Variants in SUSD1 observed in about 807,000 individuals in gnomAD.
SUSD1 encodes sushi domain-containing protein 1.
Under a neutral mutation model 86.9 loss-of-function variants are expected in SUSD1, and 65 were observed. The ratio of observed to expected loss-of-function variants is 0.75; its 90% CI spans 0.61 to 0.92. The LOEUF (loss-of-function observed/expected upper bound fraction) is 0.92. Among genes scored for constraint, SUSD1 ranks in the 40% least tolerant of loss-of-function variants. The pLI, the probability that SUSD1 is intolerant of heterozygous loss-of-function variation, is 0.00. For synonymous variants in SUSD1, 346 were observed against 350.0 expected (o/e 0.99, Z 0.13); for missense variants, 850 against 929.7 (o/e 0.91, Z 1.11).
chr9:112,117,205 C>T (rs1472339811), intron 6 of SUSD1, among the ~76,000 whole-genome samples: 2 of 152,220 alleles, frequency 1.3e-5, no homozygotes, highest in African/African-American at 4.8e-5. Flanking sequence ...CTCCCACAGC[C>T]TCCTCATCCC....
chr9:112,117,302 T>C (rs1251229802), intron 6 of SUSD1, among the ~76,000 whole-genome samples: 1 of 152,178 alleles, frequency 6.6e-6, no homozygotes, highest in Admixed American at 6.5e-5. Context: ...TCTCCCCTCA[T>C]GGAGTGCCCA....
intron 2 of SUSD1, among the ~76,000 whole-genome samples, chr9:112,151,988 C>T (rs958145935): frequency 2.0e-5 from 3 of 151,802 alleles, no homozygotes; most frequent in Non-Finnish European, 4.4e-5. Flanking sequence ...GAGCCAAGAT[C>T]GCGCCATTGC....
At chr9:112,095,909 C>T (rs1830375288) in intron 10 of SUSD1, among the ~76,000 whole-genome samples, 1 of 152,106 alleles carries the variant, frequency 6.6e-6, no homozygotes, top group Non-Finnish European at 1.5e-5. Context: ...AGAAATAGGG[C>T]TCAAGGGAGC....
intron 5 of SUSD1, among the ~76,000 whole-genome samples, chr9:112,134,873 G>C (rs1383310002): frequency 6.6e-6 from 1 of 151,932 alleles, no homozygotes; most frequent in African/African-American, 2.4e-5. Context: ...TTAGAGACCA[G>C]CTGGCCAATG....
intron 10 of SUSD1, among the ~76,000 whole-genome samples, chr9:112,081,459 G>C (rs149151414): frequency 2.4e-4 from 36 of 152,338 alleles, no homozygotes; most frequent in Non-Finnish European, 3.2e-4. Context: ...TAAGGAACAG[G>C]AGGAGTACAG....
chr9:112,095,373 A>T (rs774493262), intron 10 of SUSD1, among the ~76,000 whole-genome samples: 2 of 152,198 alleles, frequency 1.3e-5, no homozygotes, highest in African/African-American at 4.8e-5. Context: ...ACGTTCTCAG[A>T]GGGACCTTGA....
intron 4 of SUSD1, among the ~76,000 whole-genome samples, chr9:112,142,986 T>C: frequency 8.7e-6 from 1 of 115,386 alleles, no homozygotes; most frequent in African/African-American, 3.7e-5. Flanking sequence ...TTTTTTTTTT[T>C]TTTTTTTTTT....
At chr9:112,121,395 G>A (rs1033434622) in intron 6 of SUSD1, among the ~76,000 whole-genome samples, 1 of 152,096 alleles carries the variant, frequency 6.6e-6, no homozygotes, top group East Asian at 1.9e-4. Flanking sequence ...GGAACACCTT[G>A]CTACTTGTAA....
At chr9:112,128,540 C>G (rs1317446955) in intron 5 of SUSD1, among the ~76,000 whole-genome samples, 1 of 152,076 alleles carries the variant, frequency 6.6e-6, no homozygotes, top group Non-Finnish European at 1.5e-5. Flanking sequence ...ATTACAGGTG[C>G]CTGCAACCAC....
intron 5 of SUSD1, among the ~76,000 whole-genome samples, chr9:112,134,244 T>C (rs1832160224): frequency 1.3e-5 from 2 of 152,034 alleles, no homozygotes; most frequent in South Asian, 4.1e-4. Context: ...AATCATTCAA[T>C]CAAAAGGACA....
At chr9:112,131,507 G>A (rs964582139) in intron 5 of SUSD1, among the ~76,000 whole-genome samples, 1 of 152,286 alleles carries the variant, frequency 6.6e-6, no homozygotes, top group South Asian at 2.1e-4. Flanking sequence ...ACATGACCCT[G>A]TCACAGATAT....
intron 10 of SUSD1, among the ~76,000 whole-genome samples, chr9:112,095,373 A>C (rs774493262): frequency 2.8e-4 from 43 of 152,198 alleles, no homozygotes; most frequent in Admixed American, 1.5e-3. Flanking sequence ...ACGTTCTCAG[A>C]GGGACCTTGA....
chr9:112,175,064 C>T lies in SUSD1; in HGVS notation c.103+69G>A. On this transcript the variant is annotated intron_variant, in intron 1 of 16. Transcript: ENST00000374270. This position sits in a 1 kb window ranked among gnomAD's most constrained non-coding sequence, Gnocchi z 4.7. The stretch of plus-strand genomic sequence containing the variant: ...GCCCAGGGGCGGGGAAGCGTCCGTG[C>T]GCCCAGAGTCCTCGAGGCCCAGCCG... The T allele has an allele frequency of 2.0e-6, 2 of 988,520 alleles. No homozygotes were observed. The highest frequency in any genetic ancestry group is 2.4e-6 in the Non-Finnish European group (2 of 830,760). The allele number at this position is 988,520 out of a possible 1,614,324, so 61.2% of individuals were successfully genotyped here.
At chr9:112,078,056 C>CAGGCTGTTTTATATATTTTTAAAAAT (rs1829595638) in intron 12 of SUSD1, among the ~76,000 whole-genome samples, 4 of 151,704 alleles carry the variant, frequency 2.6e-5, no homozygotes, top group African/African-American at 7.3e-5. Context: ...AAAAATAAAA[C>CAGGCTGTTTTATATATTTTTAAAAAT]ATAACAGGCT....
chr9:112,111,781 G>GT lies in SUSD1; in HGVS notation c.1043dup (p.Asn348LysfsTer44), dbSNP rs1319378676. The GT allele has an allele frequency of 6.2e-7, 1 of 1,614,162 alleles. No homozygotes were observed. The highest frequency in any genetic ancestry group is 2.2e-5 in the East Asian group (1 of 44,880). ...CTGGGGTCCTGCTGTCTGTGGTCAA[G>GT]TTGACTGTCTCCTCACGAACTGATT... On this transcript the variant is annotated frameshift_variant, in exon 8 of 17. Coordinates refer to ENST00000374270, the MANE Select transcript of SUSD1 (RefSeq NM_022486.5). LOFTEE classifies it high-confidence loss of function.
In SUSD1 at chr9:112,142,217, G is replaced by T. The variant is rs569490701; in HGVS notation, c.706+103C>A. On this transcript the variant is annotated intron_variant, in intron 5 of 16. Transcript: ENST00000374270. ...TGAGAAACAAATAGGAATTTTAAAG[G>T]TTTACTTAACTCATTTATTCCCTGA... 11 of 973,488 alleles carry T rather than the reference G, an allele frequency of 1.1e-5. No individual in the cohort carries two copies. In the East Asian group the frequency reaches 2.2e-4, roughly 19 times the overall value. The allele number at this position is 973,488 out of a possible 1,614,324, so 60.3% of individuals were successfully genotyped here.
At chr9:112,110,721 C>T (rs1287881719) in intron 8 of SUSD1, among the ~76,000 whole-genome samples, 3 of 151,674 alleles carry the variant, frequency 2.0e-5, no homozygotes, top group Admixed American at 6.6e-5. Flanking sequence ...AGTCCTCATA[C>T]CCATAACCAG....
chr9:112,078,809 C>CACTTTTTTTTTTTT (rs1196821450), intron 11 of SUSD1, 85 bp from the exon 12 acceptor site: 1 of 827,768 alleles, frequency 1.2e-6, no homozygotes, highest in African/African-American at 2.4e-5. Flanking sequence ...CTTTTTCTTT[C>CACTTTTTTTTTTTT]TCTTTTTTTT....
At chr9:112,069,677 C>T (rs1039789076) in intron 12 of SUSD1, among the ~76,000 whole-genome samples, 1 of 140,658 alleles carries the variant, frequency 7.1e-6, no homozygotes, top group Non-Finnish European at 1.5e-5. Flanking sequence ...GAGAACTCCG[C>T]CCCACCCCAC....
Sources: gnomAD v4.1 joint callset for allele counts (sites outside exome capture counted in the v4.1 genomes callset) on GRCh38, gnomAD v4.1.1 for gene constraint, Gnocchi (gnomAD v3.1) non-coding constraint, MANE v1.5 for transcripts, NCBI Gene and HGNC (gene_info 2026-07-23, HGNC 2026-07-21) for gene names.